SLC17A5: variants seen among roughly 807,000 people sequenced by gnomAD.
SLC17A5 encodes the protein sialin.
In SLC17A5, 47 loss-of-function variants were observed where a neutral mutation model predicts 59.4. The ratio of observed to expected loss-of-function variants is 0.79; its 90% CI spans 0.63 to 1.01. SLC17A5 has a LOEUF of 1.01. Ranked by LOEUF, SLC17A5 falls within the 50% of genes least tolerant of loss-of-function variation. The pLI, the probability that SLC17A5 is intolerant of heterozygous loss-of-function variation, is 0.00. For synonymous variants in SLC17A5, 202 were observed against 210.7 expected (o/e 0.96, Z 0.36); for missense variants, 522 against 595.5 (o/e 0.88, Z 1.28).
chr6:73,638,696 G>A (rs530789189), intron 3 of SLC17A5, among the ~76,000 whole-genome samples, 197 bp from the exon 4 acceptor site: 6 of 152,246 alleles, frequency 3.9e-5, no homozygotes, highest in African/African-American at 1.4e-4. Flanking sequence ...GAGGCTGGGT[G>A]TGGTGGCTCA....
intron 3 of SLC17A5, among the ~76,000 whole-genome samples, chr6:73,640,191 T>C (rs1769218409): frequency 6.6e-6 from 1 of 152,246 alleles, no homozygotes; most frequent in East Asian, 1.9e-4. Context: ...GATTGAATAC[T>C]AGGATCAGAG....
chr6:73,652,276 T>C (rs911704930), intron 1 of SLC17A5, among the ~76,000 whole-genome samples: 3 of 152,238 alleles, frequency 2.0e-5, no homozygotes, highest in African/African-American at 7.2e-5. Flanking sequence ...TTAAAAGGGA[T>C]GCTATAAGCT....
intron 7 of SLC17A5, 54 bp from the exon 8 acceptor site, chr6:73,615,501 CAT>C: frequency 6.4e-7 from 1 of 1,569,182 alleles, no homozygotes; most frequent in Non-Finnish European, 8.7e-7. Context: ...AAAAACAAAA[CAT>C]ACACATTCAT....
At chr6:73,596,416 G>C (rs1200385891) in intron 10 of SLC17A5, among the ~76,000 whole-genome samples, 1 of 152,194 alleles carries the variant, frequency 6.6e-6, no homozygotes, top group Non-Finnish European at 1.5e-5. Context: ...CTGTCAGTAA[G>C]ACAACTGTTC....
At chr6:73,602,631 C>T (rs568424174) in intron 9 of SLC17A5, among the ~76,000 whole-genome samples, 2 of 151,950 alleles carry the variant, frequency 1.3e-5, no homozygotes, top group African/African-American at 4.8e-5. Context: ...AAAAATTAGC[C>T]GGCCGTGATG....
chr6:73,595,241 T>G (rs1355785740), intron 10 of SLC17A5, 27 bp from the exon 11 acceptor site: 1 of 1,613,290 alleles, frequency 6.2e-7, no homozygotes, highest in Admixed American at 1.7e-5. Flanking sequence ...AAAATGCAAG[T>G]GAAATAAAAT....
Position 73,615,358 on chromosome 6 carries a change from C to A in SLC17A5, c.1068G>T (p.Trp356Cys). The change falls in exon 8 of 11, where the codon TGG (tryptophan) becomes TGT (cysteine). Residue 356 changes from tryptophan (W) to cysteine (C), a missense_variant. Coordinates refer to ENST00000355773, the MANE Select transcript of SLC17A5 (RefSeq NM_012434.5). ...GQAADNLRAK[W>C]NFSTLCVRRI... is the part of the protein sequence containing the mutation. ...TGCGAACACATAAAGTTGAAAAATT[C>A]CATTTTGCCCTTAAATTGTCAGCAG... is the stretch of plus-strand genomic sequence containing the variant. 6.2e-7 allele frequency: 1 copy of A among 1,614,040 alleles called. No individual in the cohort carries two copies. The highest frequency in any genetic ancestry group is 8.5e-7 in the Non-Finnish European group (1 of 1,180,024).
intron 9 of SLC17A5, among the ~76,000 whole-genome samples, chr6:73,609,487 T>TAAACTATC (rs1767548109): frequency 2.0e-5 from 3 of 152,226 alleles, no homozygotes; most frequent in Non-Finnish European, 2.9e-5. Flanking sequence ...AAGTGATGTG[T>TAAACTATC]AAACTATCAA....
chr6:73,650,802 T>C (rs972130469), intron 1 of SLC17A5, among the ~76,000 whole-genome samples: 1 of 152,098 alleles, frequency 6.6e-6, no homozygotes, highest in African/African-American at 2.4e-5. Context: ...TAAAAGTCTA[T>C]AAGGGCAGGA....
intron 10 of SLC17A5, among the ~76,000 whole-genome samples, chr6:73,597,514 G>C (rs779185505): frequency 2.0e-5 from 3 of 151,904 alleles, no homozygotes; most frequent in Non-Finnish European, 4.4e-5. Context: ...GCCAGGCATG[G>C]CGGCTCATGC....
chr6:73,615,007 G>A (rs2150091166), intron 8 of SLC17A5, among the ~76,000 whole-genome samples: 1 of 152,296 alleles, frequency 6.6e-6, no homozygotes, highest in East Asian at 1.9e-4. Flanking sequence ...TGGGACTTGT[G>A]ATTGGTATCC....
In SLC17A5 at chr6:73,594,906, T is replaced by G. The variant is rs1241373041; in HGVS notation, c.*171A>C. 3 of 711,896 alleles carry G rather than the reference T, an allele frequency of 4.2e-6. No homozygotes were observed. Among genetic ancestry groups the G allele is most frequent in the Non-Finnish European group, 7.1e-6 (3 of 424,424 alleles). The allele number at this position is 711,896 out of a possible 1,614,324, so 44.1% of individuals were successfully genotyped here. A position where few individuals can be genotyped will look rare whatever the true frequency, so the allele number is the denominator to read the frequency against. ...ACATATTATTCATAATTAAACACAG[T>G]TCATTTTATTATTCTGGCAACTAGT... On this transcript the variant is annotated 3_prime_UTR_variant, in exon 11 of 11. Coordinates refer to ENST00000355773, the MANE Select transcript of SLC17A5 (RefSeq NM_012434.5).
At chr6:73,613,368 T>C (rs971660404) in intron 8 of SLC17A5, among the ~76,000 whole-genome samples, 8 of 126,140 alleles carry the variant, frequency 6.3e-5, no homozygotes, top group Admixed American at 1.5e-4. Flanking sequence ...AAATCTTTTA[T>C]AAATTTTTTT....
Position 73,646,745 on chromosome 6 carries a change from T to C in SLC17A5, c.95-2142A>G, listed in dbSNP as rs1341388971. 7.9e-5 allele frequency among the ~76,000 whole-genome samples: 12 copies of C among 152,064 alleles called. 1 individual carries two copies. The highest frequency in any genetic ancestry group is 1.5e-4 in the Non-Finnish European group (10 of 68,018). On this transcript the variant is annotated intron_variant, in intron 1 of 10. Coordinates refer to ENST00000355773, the MANE Select transcript of SLC17A5 (RefSeq NM_012434.5). ...CTGGAGTACAGTGGGTGATCATAAC[T>C]TTCTGTAACCTCGAACCCCTGGACT...
chr6:73,638,371 A>G (rs774948937), intron 4 of SLC17A5, 41 bp downstream of exon 4: 41 of 1,444,318 alleles, frequency 2.8e-5, no homozygotes, highest in Admixed American at 8.6e-5. Context: ...GTTGATATAT[A>G]CATAACATAT....
chr6:73,597,477 CAAAACAAAACAAAAA>C (rs1424600602), intron 10 of SLC17A5, among the ~76,000 whole-genome samples: 1 of 150,784 alleles, frequency 6.6e-6, no homozygotes. Flanking sequence ...AAAAACAAAA[CAAAACAAAACAAAAA>C]AAACCAAGCA....
chr6:73,609,455 G>C (rs752563966), intron 9 of SLC17A5, among the ~76,000 whole-genome samples: 1 of 152,214 alleles, frequency 6.6e-6, no homozygotes, highest in Admixed American at 6.6e-5. Flanking sequence ...TGCTTTAAGG[G>C]TAAAATGGAT....
chr6:73,652,957 G>A (rs1301613289), intron 1 of SLC17A5: 1 of 773,526 alleles, frequency 1.3e-6, no homozygotes, highest in Non-Finnish European at 1.6e-6. Flanking sequence ...TATTACAAAA[G>A]TGTCAAATAG....
intron 7 of SLC17A5, chr6:73,618,662 A>T (rs1327677128): frequency 9.6e-6 from 3 of 313,178 alleles, no homozygotes; most frequent in South Asian, 3.3e-5. Context: ...AAAAGATTTA[A>T]AAAAATGAGA....
Sources: gnomAD v4.1 joint callset for allele counts (sites outside exome capture counted in the v4.1 genomes callset) on GRCh38, gnomAD v4.1.1 for gene constraint, MANE v1.5 for transcripts, NCBI Gene and HGNC (gene_info 2026-07-23, HGNC 2026-07-21) for gene names.